The following SVOPL variants were observed in gnomAD, a reference collection of about 807,000 sequenced individuals.
SVOPL encodes the protein SVOP like, also known as putative transporter SVOPL.
A neutral mutation model predicts 61.0 loss-of-function variants in SVOPL; 60 were observed. The ratio of observed to expected loss-of-function variants is 0.98; its 90% CI spans 0.80 to 1.22. SVOPL has a LOEUF of 1.22. SVOPL is among the 50% of genes most tolerant of loss of function. The pLI, the probability that SVOPL is intolerant of heterozygous loss-of-function variation, is 0.00. For synonymous variants in SVOPL, 279 were observed against 250.0 expected (o/e 1.12, Z -1.09); for missense variants, 662 against 643.9 (o/e 1.03, Z -0.30).
intron 14 of SVOPL, among the ~76,000 whole-genome samples, chr7:138,611,297 G>A (rs1167385825): frequency 6.6e-6 from 1 of 152,180 alleles, no homozygotes; most frequent in Admixed American, 6.5e-5. Flanking sequence ...AGAATTGCTT[G>A]AACCCAGGAG....
intron 7 of SVOPL, 54 bp downstream of exon 7, chr7:138,656,394 T>C (rs764558886): frequency 3.5e-5 from 54 of 1,561,602 alleles, no homozygotes; most frequent in Non-Finnish European, 4.5e-5. Context: ...TGCCTATATG[T>C]ACATCTTATC....
chr7:138,678,630 T>C (rs1231596358), intron 2 of SVOPL, 105 bp from the exon 3 acceptor site: 5 of 1,124,390 alleles, frequency 4.4e-6, no homozygotes, highest in East Asian at 2.6e-5. Flanking sequence ...AACAAGTTAA[T>C]ACGGGGGGTC....
At chr7:138,605,970 G>T (rs1798738266) in intron 14 of SVOPL, among the ~76,000 whole-genome samples, 1 of 149,746 alleles carries the variant, frequency 6.7e-6, no homozygotes, top group South Asian at 2.1e-4. Flanking sequence ...TAAAATAGTT[G>T]AATACAAATA....
rs376923940 is a variant in SVOPL at position 138,689,726 on chromosome 7, G to A, written c.-34-10647C>T. Among the ~76,000 whole-genome samples the A allele has an allele frequency of 3.6e-4, 55 of 151,528 alleles. 1 individual carries two copies. The Middle Eastern group carries it at 0.014, about 37-fold the overall frequency. On this transcript the variant is annotated intron_variant, in intron 1 of 15. Transcript: ENST00000674285. ...ACAAAAATTAGCCGGGCACGGTGGC[G>A]CACACCTGTAATCCCAGCTACTCAA...
At chr7:138,668,342 T>C (rs1802327325) in intron 4 of SVOPL, among the ~76,000 whole-genome samples, 1 of 152,144 alleles carries the variant, frequency 6.6e-6, no homozygotes, top group African/African-American at 2.4e-5. Context: ...TCTGTGGGAA[T>C]TACTCCTTCT....
intron 1 of SVOPL, among the ~76,000 whole-genome samples, chr7:138,684,189 A>AC (rs1329241736): frequency 1.3e-5 from 2 of 151,248 alleles, no homozygotes; most frequent in Non-Finnish European, 1.5e-5. Flanking sequence ...ACATGGTGAA[A>AC]CCCCATCTCT....
At chr7:138,597,136 A>G in intron 14 of SVOPL, 1 of 1,285,306 alleles carries the variant, frequency 7.8e-7, no homozygotes, top group Non-Finnish European at 1.0e-6. Context: ...AGATACTGGT[A>G]ATTCAGATAC....
At chr7:138,617,269 C>T (rs1031780594) in intron 14 of SVOPL, among the ~76,000 whole-genome samples, 3 of 152,112 alleles carry the variant, frequency 2.0e-5, no homozygotes, top group African/African-American at 7.2e-5. Context: ...TGTGCCCAGC[C>T]TGAAACATTC....
chr7:138,690,766 TTC>T (rs1285997881), intron 1 of SVOPL, among the ~76,000 whole-genome samples: 2 of 151,444 alleles, frequency 1.3e-5, no homozygotes, highest in African/African-American at 4.8e-5. Context: ...ACCCTTTTCT[TTC>T]TTTCTTTCTT....
intron 7 of SVOPL, among the ~76,000 whole-genome samples, chr7:138,649,614 C>T (rs2117024574): frequency 6.6e-6 from 1 of 151,870 alleles, no homozygotes; most frequent in Admixed American, 6.6e-5. Flanking sequence ...ACTATTTCAT[C>T]ACTAAAGAAC....
chr7:138,610,973 C>T (rs1798973400), intron 14 of SVOPL, among the ~76,000 whole-genome samples: 1 of 152,240 alleles, frequency 6.6e-6, no homozygotes, highest in Admixed American at 6.5e-5. Flanking sequence ...GCCCCTGCCA[C>T]CCTCCTAAGA....
intron 14 of SVOPL, among the ~76,000 whole-genome samples, chr7:138,614,659 G>C (rs922496157): frequency 2.6e-5 from 4 of 152,104 alleles, no homozygotes; most frequent in Non-Finnish European, 5.9e-5. Context: ...GCCTCCCAAA[G>C]TGTTAGGATT....
intron 13 of SVOPL, among the ~76,000 whole-genome samples, chr7:138,621,570 T>G (rs1222969554): frequency 6.6e-6 from 1 of 152,156 alleles, no homozygotes; most frequent in Non-Finnish European, 1.5e-5. Flanking sequence ...GCCACACCAT[T>G]CCCTGTGTTC....
In SVOPL at chr7:138,660,614, C is replaced by T. The variant is rs116987010; in HGVS notation, c.346-626G>A. On this transcript the variant is annotated intron_variant, in intron 5 of 15. Transcript: ENST00000674285. The stretch of plus-strand genomic sequence containing the variant: ...TGTTGCAGTTTAAGTTGTTTCAGAT[C>T]TTCTCATTATTAAAATAAGCTGCGA... The T allele has an allele frequency of 8.1e-4, 803 of 985,362 alleles. 20 individuals carry two copies. The East Asian group carries it at 0.059, about 72-fold the overall frequency. The allele number at this position is 985,362 out of a possible 1,614,324, so 61.0% of individuals were successfully genotyped here. A position where few individuals can be genotyped will look rare whatever the true frequency, so the allele number is the denominator to read the frequency against.
intron 4 of SVOPL, 98 bp from the exon 5 acceptor site, chr7:138,663,243 G>A (rs1802080723): frequency 3.9e-6 from 6 of 1,542,328 alleles, no homozygotes; most frequent in Admixed American, 4.0e-5. Flanking sequence ...GGAAATACGG[G>A]AGGGATGGAA....
intron 14 of SVOPL, among the ~76,000 whole-genome samples, chr7:138,602,713 C>A (rs1368287884): frequency 1.5e-5 from 1 of 65,414 alleles, no homozygotes; most frequent in African/African-American, 1.7e-4. Flanking sequence ...TGCATAGGCA[C>A]CCTCAACCCC....
intron 4 of SVOPL, chr7:138,663,626 T>G: frequency 1.0e-6 from 1 of 983,922 alleles, no homozygotes; most frequent in Non-Finnish European, 1.2e-6. Flanking sequence ...TACACCTACT[T>G]CTTTTCCTTA....
chr7:138,665,311 G>A (rs1802220133), intron 4 of SVOPL, among the ~76,000 whole-genome samples: 1 of 150,948 alleles, frequency 6.6e-6, no homozygotes, highest in East Asian at 2.0e-4. Context: ...GGGTTGGGGG[G>A]CCTGGGAGAC....
intron 6 of SVOPL, among the ~76,000 whole-genome samples, chr7:138,659,028 G>C (rs933969381): frequency 2.0e-5 from 3 of 152,086 alleles, no homozygotes; most frequent in Non-Finnish European, 4.4e-5. Flanking sequence ...TCTAGCATTA[G>C]CATCAACGCA....
Sources: gnomAD v4.1 joint callset for allele counts (sites outside exome capture counted in the v4.1 genomes callset) on GRCh38, gnomAD v4.1.1 for gene constraint, MANE v1.5 for transcripts, NCBI Gene and HGNC (gene_info 2026-07-23, HGNC 2026-07-21) for gene names.